ACSM5: variants seen among roughly 807,000 people sequenced by gnomAD.
The protein encoded by ACSM5 is acyl-coenzyme A synthetase ACSM5, mitochondrial.
A neutral mutation model predicts 71.6 loss-of-function variants in ACSM5; 56 were observed. The ratio of observed to expected loss-of-function variants is 0.78; its 90% CI spans 0.63 to 0.98. ACSM5 has a LOEUF of 0.98. Ranked by LOEUF, ACSM5 falls within the 50% of genes least tolerant of loss-of-function variation. The pLI, the probability that ACSM5 is intolerant of heterozygous loss-of-function variation, is 0.00. For synonymous variants in ACSM5, 285 were observed against 281.5 expected, an observed-to-expected ratio of 1.01 and a Z score of -0.12; for missense variants, 723 against 726.0, an observed-to-expected ratio of 1.00 and a Z score of 0.05.
chr16:20,430,070 A>G (rs66990417), intron 8 of ACSM5, among the ~76,000 whole-genome samples: 13,103 of 152,054 alleles, frequency 0.086, 695 homozygotes, highest in East Asian at 0.19. Flanking sequence ...AGGGGCGTGA[A>G]GGTAAAAAAA....
At chr16:20,411,243 C>T (rs1319198950) in intron 1 of ACSM5, among the ~76,000 whole-genome samples, 2 of 152,154 alleles carry the variant, frequency 1.3e-5, no homozygotes, top group Non-Finnish European at 2.9e-5. Context: ...TGACCTCAGA[C>T]CCAGATACCC....
intron 5 of ACSM5, among the ~76,000 whole-genome samples, chr16:20,423,252 T>C (rs1240441114): frequency 6.6e-6 from 1 of 152,186 alleles, no homozygotes; most frequent in African/African-American, 2.4e-5. Flanking sequence ...GCCAATGAAA[T>C]GGGGAGAACC....
intron 2 of ACSM5, among the ~76,000 whole-genome samples, chr16:20,415,591 C>A (rs561449412): frequency 1.3e-5 from 2 of 152,306 alleles, no homozygotes; most frequent in East Asian, 3.9e-4. Context: ...TCCCCAAATT[C>A]TACAGGCAGG....
intron 6 of ACSM5, 31 bp from the exon 7 acceptor site, chr16:20,427,757 A>G (rs557824286): frequency 6.8e-7 from 1 of 1,478,354 alleles, no homozygotes; most frequent in Non-Finnish European, 9.5e-7. Context: ...AATGATTCTA[A>G]GGACATCTTT....
chr16:20,429,623 G>A (rs1046975543), intron 7 of ACSM5, 55 bp from the exon 8 acceptor site: 8 of 1,610,414 alleles, frequency 5.0e-6, no homozygotes, highest in African/African-American at 4.0e-5. Flanking sequence ...GCACCAGAGG[G>A]CGGGGTGATA....
chr16:20,410,796 C>A (rs985284313), intron 1 of ACSM5, among the ~76,000 whole-genome samples: 1 of 151,782 alleles, frequency 6.6e-6, no homozygotes, highest in Non-Finnish European at 1.5e-5. Flanking sequence ...ACTAAAAGCC[C>A]ATCATGCCAT....
chr16:20,440,449 G>T lies in ACSM5; in HGVS notation c.*22G>T. 1 of 1,596,400 alleles carries T rather than the reference G, an allele frequency of 6.3e-7. No individual in the cohort carries two copies. Among genetic ancestry groups the T allele is most frequent in the Admixed American group, 1.7e-5 (1 of 59,956 alleles). On this transcript the variant is annotated 3_prime_UTR_variant, in exon 14 of 14. Coordinates refer to ENST00000331849, the MANE Select transcript of ACSM5 (RefSeq NM_017888.3). ...ATGAGGTGCACCCCAGGAAGGCCCC[G>T]TAGACCTCCGAAGACTCCACAAGAA...
chr16:20,425,452 T>C (rs964498496), intron 6 of ACSM5, among the ~76,000 whole-genome samples: 19 of 152,194 alleles, frequency 1.2e-4, no homozygotes, highest in African/African-American at 4.3e-4. Flanking sequence ...TTTTCATAGG[T>C]TATTGGGGAA....
intron 12 of ACSM5, among the ~76,000 whole-genome samples, chr16:20,438,086 C>T (rs527578089): frequency 6.6e-6 from 1 of 151,982 alleles, no homozygotes; most frequent in Admixed American, 6.6e-5. Flanking sequence ...ACCCCGGCTC[C>T]CAAAGTGCTG....
At position 20,421,312 on chromosome 16, in the gene ACSM5, C is replaced by T. The variant is rs142287801; in HGVS notation, c.678C>T (p.Ala226=). ...GGACAAAGAGTCGAGACCCGCTGGC[C>T]ATCTACTTTACCAGCGGAACCACCG... ...CMRTKSRDPL[A]IYFTSGTTGA... is the part of the protein sequence containing the mutation. Residue 226 remains alanine, a synonymous_variant, in exon 5 of 14, where the codon GCC becomes GCT. Coordinates refer to ENST00000331849, the MANE Select transcript of ACSM5 (RefSeq NM_017888.3). The T allele has an allele frequency of 3.5e-5, 57 of 1,609,824 alleles. 1 individual carries two copies. The African/African-American group carries it at 4.7e-4, about 13-fold the overall frequency.
chr16:20,431,095 T>C, intron 9 of ACSM5, 22 bp downstream of exon 9: 1 of 1,608,490 alleles, frequency 6.2e-7, no homozygotes, highest in South Asian at 1.1e-5. Flanking sequence ...CCCCAACTTC[T>C]GGCAAGGCCT....
Position 20,427,869 on chromosome 16 carries a change from T to C in ACSM5, c.1001+2T>C, listed in dbSNP as rs147838581. On this transcript the variant is annotated splice_donor_variant, in intron 7 of 13. Coordinates refer to ENST00000331849, the MANE Select transcript of ACSM5 (RefSeq NM_017888.3). LOFTEE classifies it high-confidence loss of function. ...GCTTGTGCAGGAGGATCTGACCAGG[T>C]ACAGCCCGTCTATTTCGTGCTTTGA... The C allele has an allele frequency of 3.5e-5, 57 of 1,611,446 alleles. No homozygotes were observed. The African/African-American group carries it at 6.3e-4, about 18-fold the overall frequency.
chr16:20,422,356 C>T (rs1284179684), intron 5 of ACSM5, among the ~76,000 whole-genome samples: 1 of 152,164 alleles, frequency 6.6e-6, no homozygotes, highest in Non-Finnish European at 1.5e-5. Context: ...ATGATCCTCA[C>T]GCCTTGGCCT....
intron 4 of ACSM5, 123 bp from the exon 5 acceptor site, chr16:20,421,135 T>G (rs1966876837): frequency 5.4e-6 from 7 of 1,285,144 alleles, no homozygotes; most frequent in East Asian, 2.8e-5. Context: ...AGCCAGAGCT[T>G]TCAGCACAGC....
At position 20,424,065 on chromosome 16, in the gene ACSM5, T is replaced by C. The variant is rs1236742797; in HGVS notation, c.917T>C (p.Leu306Pro). The change falls in exon 6 of 14, where the codon CTG (leucine) becomes CCG (proline). Residue 306 changes from leucine to proline, a missense_variant. By Grantham distance (98) the Leu-to-Pro change is moderately conservative (BLOSUM62 -3). Transcript: ENST00000331849. Reference protein sequence around the residue: ...ELPRVDAKVILNTLSKFPITT... With the variant: ...ELPRVDAKVIPNTLSKFPITT... ...CCCCGAGTTGATGCCAAAGTTATCC[T>C]GAATGTAAGAGGAAAAACCAACAAT... The C allele has an allele frequency of 1.2e-6, 2 of 1,613,944 alleles. No individual in the cohort carries two copies. Among genetic ancestry groups the C allele is most frequent in the Non-Finnish European group, 1.7e-6 (2 of 1,180,004 alleles).
intron 10 of ACSM5, among the ~76,000 whole-genome samples, chr16:20,436,351 A>G (rs977855539): frequency 4.7e-5 from 7 of 148,958 alleles, no homozygotes; most frequent in Non-Finnish European, 1.0e-4. Context: ...CAATCTTGCA[A>G]TCTCATCCTG....
rs1183364798 is a variant in ACSM5 at position 20,438,729 on chromosome 16, G to C, written c.1537-1071G>C. Among the ~76,000 whole-genome samples the C allele has an allele frequency of 5.9e-5, 9 of 151,432 alleles. 1 individual carries two copies. The East Asian group carries it at 1.8e-3, about 30-fold the overall frequency. On this transcript the variant is annotated intron_variant, in intron 12 of 13. Transcript: ENST00000331849. ...CCAGCACTTTGGGAGGCCGAGGCGG[G>C]TGGATCACGAGGTCAGGAGATCGAG...
At chr16:20,422,370 A>G (rs1278514537) in intron 5 of ACSM5, among the ~76,000 whole-genome samples, 1 of 152,142 alleles carries the variant, frequency 6.6e-6, no homozygotes, top group Non-Finnish European at 1.5e-5. Context: ...TTGGCCTCTC[A>G]AAGTGCTGGG....
At chr16:20,434,018 TGTTTTAAGA>T (rs1967149176) in intron 10 of ACSM5, among the ~76,000 whole-genome samples, 1 of 152,182 alleles carries the variant, frequency 6.6e-6, no homozygotes, top group African/African-American at 2.4e-5. Flanking sequence ...GTCCTTTGTT[TGTTTTAAGA>T]GTTGCTAACA....
Sources: allele counts gnomAD v4.1 joint callset (sites outside exome capture counted in the v4.1 genomes callset), GRCh38; gene constraint gnomAD v4.1.1; transcripts MANE v1.5; gene names NCBI Gene and HGNC (gene_info 2026-07-23, HGNC 2026-07-21).